Variants in CMTR1 observed in about 807,000 individuals in gnomAD.
CMTR1 encodes the protein cap methyltransferase 1.
Under a neutral mutation model 107.0 loss-of-function variants are expected in CMTR1, and 39 were observed. That is an observed-to-expected ratio of 0.36 (90% CI 0.28 to 0.48). The LOEUF is 0.48. CMTR1 is among the 20% of genes least tolerant of loss of function. CMTR1 has a pLI of 0.99. For missense variants in CMTR1, 672 were observed against 1,064.9 expected, an observed-to-expected ratio of 0.63 and a Z score of 5.14; for synonymous variants, 366 against 379.5, an observed-to-expected ratio of 0.96 and a Z score of 0.41.
chr6:37,480,961 C>T lies in CMTR1; in HGVS notation c.*816C>T, dbSNP rs1463847315. On this transcript the variant is annotated 3_prime_UTR_variant, in exon 24 of 24. Coordinates refer to ENST00000373451, the MANE Select transcript of CMTR1 (RefSeq NM_015050.3). ...GTCTTTCCCCCACAGCAGCAGGGGC[C>T]CCAGCAGTAACAAAGGGTACCTCCA... The T allele has an allele frequency of 8.7e-6, 11 of 1,263,950 alleles. No homozygotes were observed. Among genetic ancestry groups the T allele is most frequent in the Non-Finnish European group, 1.1e-5 (11 of 973,488 alleles). 78.3% of individuals were successfully genotyped at this position (1,263,950 alleles called of 1,614,324 possible).
Position 37,468,432 on chromosome 6 carries a change from G to C in CMTR1, c.1506-2589G>C, listed in dbSNP as rs1214286299. ...TCTAATTTTTTTAAAAAGGTCCTTG[G>C]TATTTACTGACATACTTACCTTTCT... On this transcript the variant is annotated intron_variant, in intron 13 of 23. Coordinates refer to ENST00000373451, the MANE Select transcript of CMTR1 (RefSeq NM_015050.3). 2.0e-5 allele frequency among the ~76,000 whole-genome samples: 3 copies of C among 152,160 alleles called. No homozygotes were observed. In the East Asian group the frequency reaches 5.8e-4, roughly 29 times the overall value.
At chr6:37,446,578 T>A in intron 4 of CMTR1, 129 bp downstream of exon 4, 1 of 1,034,694 alleles carries the variant, frequency 9.7e-7, no homozygotes, top group Non-Finnish European at 1.4e-6. Context: ...GTTTTTTACG[T>A]GGAAAGTACT....
intron 1 of CMTR1, among the ~76,000 whole-genome samples, chr6:37,434,817 G>T (rs1562114181): frequency 6.6e-6 from 1 of 152,090 alleles, no homozygotes; most frequent in South Asian, 2.1e-4. Context: ...TCACCATGTT[G>T]GCCAGGCTGG....
At chr6:37,435,439 AC>A (rs569258871) in intron 1 of CMTR1, among the ~76,000 whole-genome samples, 184 bp from the exon 2 acceptor site, 70 of 152,292 alleles carry the variant, frequency 4.6e-4, no homozygotes, top group African/African-American at 1.6e-3. Context: ...ATTATTGAAA[AC>A]CAACACTTGT....
Position 37,464,983 on chromosome 6 carries a change from A to G in CMTR1, c.1505+1975A>G, listed in dbSNP as rs148082170. Among the ~76,000 whole-genome samples the G allele has an allele frequency of 7.6e-3, 1,148 of 151,066 alleles. 7 individuals are homozygous for G. Among genetic ancestry groups the G allele is most frequent in the Non-Finnish European group, 0.013 (897 of 67,958 alleles). ...TATATAGTATACATATAATATGTATATTATGGCCGGGCGCGGTGGCTCACG... is the reference window on the plus strand; with the variant it reads ...TATATAGTATACATATAATATGTATGTTATGGCCGGGCGCGGTGGCTCACG... On this transcript the variant is annotated intron_variant, in intron 13 of 23. Coordinates refer to ENST00000373451, the MANE Select transcript of CMTR1 (RefSeq NM_015050.3).
intron 12 of CMTR1, 149 bp from the exon 13 acceptor site, chr6:37,462,680 C>T (rs1331992189): frequency 1.5e-6 from 1 of 683,160 alleles, no homozygotes; most frequent in Non-Finnish European, 2.5e-6. Context: ...AACTTTAGCA[C>T]CACAAAGGGT....
At position 37,467,121 on chromosome 6, in the gene CMTR1, C is replaced by T. The variant is rs148402081; in HGVS notation, c.1506-3900C>T. 7.3e-3 allele frequency among the ~76,000 whole-genome samples: 1,110 copies of T among 152,202 alleles called. 11 individuals carry two copies. Among genetic ancestry groups the T allele is most frequent in the African/African-American group, 0.024 (1,013 of 41,520 alleles). On this transcript the variant is annotated intron_variant, in intron 13 of 23. Transcript: ENST00000373451. ...GGTAGAGGTTGCAGTGAGCCAAGAT[C>T]GCACCACTGCCCTCCAGCCTGGGTG...
intron 2 of CMTR1, among the ~76,000 whole-genome samples, chr6:37,442,977 A>G (rs1771706321): frequency 6.6e-6 from 1 of 152,226 alleles, no homozygotes; most frequent in East Asian, 1.9e-4. Context: ...TTTATTTTAA[A>G]TTTTAATAGA....
Position 37,444,075 on chromosome 6 carries a change from A to G in CMTR1, c.210A>G (p.Ala70=). The G allele has an allele frequency of 6.2e-7, 1 of 1,614,240 alleles. No homozygotes were observed. ...KQHSSDSFDD[A]FKADSLVEGT... ...ACAGCTCTGACTCTTTTGACGATGC[A>G]TTCAAAGCAGACTCTCTTGTGGAAG... The change falls in exon 3 of 24, where the codon GCA becomes GCG. Residue 70 remains alanine, a synonymous_variant. Coordinates refer to ENST00000373451, the MANE Select transcript of CMTR1 (RefSeq NM_015050.3).
In CMTR1 at chr6:37,450,232, G is replaced by T; in HGVS notation, c.445-19G>T. On this transcript the variant is annotated intron_variant, in intron 4 of 23. Coordinates refer to ENST00000373451, the MANE Select transcript of CMTR1 (RefSeq NM_015050.3). ...AGGGTGTGTCATATCTGTCTTACTA[G>T]CCTCTCTTTTGTTTGCAGCCCAGTG... 2 of 1,606,200 alleles carry T rather than the reference G, an allele frequency of 1.2e-6. No homozygotes were observed. Among genetic ancestry groups the T allele is most frequent in the Non-Finnish European group, 1.7e-6 (2 of 1,172,888 alleles).
intron 2 of CMTR1, among the ~76,000 whole-genome samples, chr6:37,437,169 C>T (rs577987283): frequency 1.3e-5 from 2 of 151,512 alleles, no homozygotes; most frequent in East Asian, 3.9e-4. Context: ...TGGGACCCAA[C>T]ATAAATTTGT....
chr6:37,476,614 G>C (rs1428752068), intron 20 of CMTR1, among the ~76,000 whole-genome samples: 1 of 92,812 alleles, frequency 1.1e-5, no homozygotes, highest in Non-Finnish European at 2.1e-5. Context: ...CCAGTGCTGA[G>C]GGAGAAGGAG....
At position 37,462,112 on chromosome 6, in the gene CMTR1, TTC is replaced by T; in HGVS notation, c.1325+16_1325+17del. 1 of 1,614,046 alleles carries T rather than the reference TTC, an allele frequency of 6.2e-7. No homozygotes were observed. The highest frequency in any genetic ancestry group is 1.1e-5 in the South Asian group (1 of 91,064). On this transcript the variant is annotated intron_variant, in intron 12 of 23. Transcript: ENST00000373451. ...CTGCCAACTCAGAGAGGTGAAGCCT[TTC>T]TCTCTATATTAGCCAGATTAATTGG... is the stretch of plus-strand genomic sequence containing the variant.
Position 37,472,626 on chromosome 6 carries a change from G to T in CMTR1, c.1689+139G>T. ...CATGGGCTCTAAGGGGCGGAGCTAA[G>T]GCTGCCACAGGTGGGAACCTTTGGT... On this transcript the variant is annotated intron_variant, in intron 16 of 23. Transcript: ENST00000373451. The surrounding 1 kb of genome is among the most constrained non-coding windows in gnomAD (Gnocchi z 4.1). The T allele has an allele frequency of 2.5e-6, 2 of 807,554 alleles. No homozygotes were observed. The highest frequency in any genetic ancestry group is 2.1e-6 in the Non-Finnish European group (1 of 482,106). The allele number at this position is 807,554 out of a possible 1,614,324, so 50.0% of individuals were successfully genotyped here.
intron 13 of CMTR1, among the ~76,000 whole-genome samples, chr6:37,464,484 TAAAA>T (rs557017894): frequency 9.1e-4 from 138 of 150,938 alleles, no homozygotes; most frequent in African/African-American, 2.7e-3. Context: ...AAAAAAAAGA[TAAAA>T]AACGTTTCCA....
At chr6:37,470,358 G>A (rs901969299) in intron 13 of CMTR1, among the ~76,000 whole-genome samples, 1 of 151,942 alleles carries the variant, frequency 6.6e-6, no homozygotes, top group African/African-American at 2.4e-5. Context: ...GTGTTAGCCA[G>A]GATGGTCTTG....
In CMTR1 at chr6:37,443,741, G is replaced by A. The variant is rs1471307293; in HGVS notation, c.134-258G>A. ...ATTACTATCTCAGTTTTATAGTGGA[G>A]GAAATTGAAAGGGTGGGGAAGGAAA... On this transcript the variant is annotated intron_variant, in intron 2 of 23. Coordinates refer to ENST00000373451, the MANE Select transcript of CMTR1 (RefSeq NM_015050.3). Among the ~76,000 whole-genome samples the A allele has an allele frequency of 7.6e-4, 115 of 152,134 alleles. 1 individual carries two copies. Among genetic ancestry groups the A allele is most frequent in the Admixed American group, 7.5e-3 (115 of 15,280 alleles).
intron 13 of CMTR1, among the ~76,000 whole-genome samples, chr6:37,468,404 A>G (rs553914280): frequency 9.2e-5 from 14 of 152,316 alleles, no homozygotes; most frequent in African/African-American, 1.9e-4. Flanking sequence ...ATGCACATAT[A>G]TATCTAATTT....
At chr6:37,430,353 G>A (rs534512715), upstream of CMTR1, among the ~76,000 whole-genome samples, 3 of 151,986 alleles carry the variant, frequency 2.0e-5, no homozygotes, top group South Asian at 6.2e-4. Flanking sequence ...GACAGGAATT[G>A]GAAATTTCTG....
Sources: gnomAD v4.1 joint callset for allele counts (sites outside exome capture counted in the v4.1 genomes callset) on GRCh38, gnomAD v4.1.1 for gene constraint, Gnocchi (gnomAD v3.1) non-coding constraint, MANE v1.5 for transcripts, NCBI Gene and HGNC (gene_info 2026-07-23, HGNC 2026-07-21) for gene names.